SPAG16: variants seen among roughly 807,000 people sequenced by gnomAD.
SPAG16 encodes sperm associated antigen 16, also known as sperm-associated antigen 16 protein.
SPAG16 carries 86 observed loss-of-function variants against 80.4 expected under a neutral mutation model. That is an observed-to-expected ratio of 1.07 (90% CI 0.90 to 1.28). The LOEUF is 1.28. SPAG16 is among the 50% of genes most tolerant of loss of function. The probability of loss-of-function intolerance (pLI) is 0.00; values close to 1 mark genes in which losing one functional copy is unlikely to be tolerated. For synonymous variants in SPAG16, 294 were observed against 265.9 expected (o/e 1.11, Z -1.03); for missense variants, 870 against 765.3 (o/e 1.14, Z -1.61).
At chr2:213,323,047 G>A (rs1385607712) in intron 5 of SPAG16, among the ~76,000 whole-genome samples, 3 of 149,036 alleles carry the variant, frequency 2.0e-5, no homozygotes, top group Non-Finnish European at 4.5e-5. Context: ...ACAGGCTTCT[G>A]CATGGAAAAA....
intron 10 of SPAG16, among the ~76,000 whole-genome samples, chr2:213,503,491 A>G (rs2074836722): frequency 2.0e-5 from 3 of 152,066 alleles, no homozygotes; most frequent in Admixed American, 2.0e-4. Flanking sequence ...CATGCCCTTC[A>G]GGTCTGATTT....
At position 214,268,833 on chromosome 2, in the gene SPAG16, T is replaced by A. The variant is rs114539325; in HGVS notation, c.1720+119567T>A. On this transcript the variant is annotated intron_variant, in intron 15 of 15. Transcript: ENST00000331683. Reference sequence around the variant, plus strand: ...TACCATTAGCTTCTAGATTTCTGCATTAATACAGGCCATGCATGGAAGAGC... The same window carrying A: ...TACCATTAGCTTCTAGATTTCTGCAATAATACAGGCCATGCATGGAAGAGC... 2.3e-3 allele frequency among the ~76,000 whole-genome samples: 352 copies of A among 152,012 alleles called. 1 individual carries two copies. Among genetic ancestry groups the A allele is most frequent in the Non-Finnish European group, 4.0e-3 (273 of 67,846 alleles).
intron 10 of SPAG16, among the ~76,000 whole-genome samples, chr2:213,710,962 A>T (rs2065958429): frequency 6.6e-6 from 1 of 150,894 alleles, no homozygotes; most frequent in South Asian, 2.1e-4. Context: ...CTTTTCTGGA[A>T]TTTTTTTTTT....
intron 14 of SPAG16, among the ~76,000 whole-genome samples, chr2:214,132,710 G>A (rs907540798): frequency 3.3e-5 from 5 of 152,158 alleles, no homozygotes; most frequent in Non-Finnish European, 7.3e-5. Context: ...TTGAGGAATA[G>A]CCAATAGAGT....
rs373889844 is a variant in SPAG16 at position 214,169,868 on chromosome 2, C to T, written c.1720+20602C>T. The stretch of plus-strand genomic sequence containing the variant: ...TTATCCTGGGGATAAAAAGGGAAAA[C>T]GGCATAATTTCTGCCAGCAATACAG... On this transcript the variant is annotated intron_variant, in intron 15 of 15. Transcript: ENST00000331683. 5.3e-4 allele frequency among the ~76,000 whole-genome samples: 80 copies of T among 151,986 alleles called. No homozygotes were observed. The Middle Eastern group carries it at 0.014, about 26-fold the overall frequency.
At chr2:213,537,885 AC>A (rs947360161) in intron 10 of SPAG16, among the ~76,000 whole-genome samples, 2 of 152,172 alleles carry the variant, frequency 1.3e-5, no homozygotes, top group African/African-American at 2.4e-5. Context: ...TTGGCAGCAG[AC>A]CTTTCTCAAG....
chr2:213,408,580 G>T (rs932722217), intron 9 of SPAG16, among the ~76,000 whole-genome samples: 1 of 152,134 alleles, frequency 6.6e-6, no homozygotes, highest in African/African-American at 2.4e-5. Context: ...CCTAACAGGG[G>T]ATTTAAATCT....
At chr2:214,158,133 C>T (rs1488763433) in intron 15 of SPAG16, among the ~76,000 whole-genome samples, 3 of 152,010 alleles carry the variant, frequency 2.0e-5, no homozygotes, top group African/African-American at 7.2e-5. Context: ...GAATAAAATA[C>T]AGGTTTTGAT....
chr2:213,617,433 C>G (rs1157670932), intron 10 of SPAG16, among the ~76,000 whole-genome samples: 1 of 152,152 alleles, frequency 6.6e-6, no homozygotes, highest in African/African-American at 2.4e-5. Flanking sequence ...CCTCTGCCTC[C>G]TGGGTTAAAG....
At chr2:213,774,913 T>A (rs576958714) in intron 10 of SPAG16, among the ~76,000 whole-genome samples, 14 of 152,328 alleles carry the variant, frequency 9.2e-5, no homozygotes, top group African/African-American at 3.1e-4. Flanking sequence ...GTATGCATGC[T>A]GGAGGGTTTT....
At position 213,309,857 on chromosome 2, in the gene SPAG16, AATAG is replaced by A. The variant is rs375301841; in HGVS notation, c.280-197_280-194del. 2.2e-3 allele frequency among the ~76,000 whole-genome samples: 334 copies of A among 152,192 alleles called. 2 individuals are homozygous for A. The highest frequency in any genetic ancestry group is 7.3e-3 in the African/African-American group (305 of 41,574). ...ATATTCTGTCTCCATCCACTTGACTAATAGATAGGAGGACAGAGATTTGTTTGCT... is the reference window on the plus strand; with the variant it reads ...ATATTCTGTCTCCATCCACTTGACTAATAGGAGGACAGAGATTTGTTTGCT... On this transcript the variant is annotated intron_variant, in intron 3 of 15. Transcript: ENST00000331683.
chr2:214,080,511 G>A (rs1233351317), intron 13 of SPAG16, among the ~76,000 whole-genome samples: 1 of 151,144 alleles, frequency 6.6e-6, no homozygotes, highest in Non-Finnish European at 1.5e-5. Context: ...GGGAGGCTGA[G>A]GTAGGAGAAT....
At chr2:213,865,051 G>A (rs1006075245) in intron 11 of SPAG16, among the ~76,000 whole-genome samples, 5 of 151,922 alleles carry the variant, frequency 3.3e-5, no homozygotes, top group Non-Finnish European at 7.4e-5. Flanking sequence ...CAGAATCAAA[G>A]ACTTCAAGGT....
intron 15 of SPAG16, among the ~76,000 whole-genome samples, chr2:214,389,495 G>A (rs1424994400): frequency 1.3e-5 from 2 of 152,184 alleles, no homozygotes; most frequent in African/African-American, 4.8e-5. Context: ...GTTCTGACAG[G>A]CAGATATTAA....
At chr2:213,813,848 C>CA (rs892122326) in intron 10 of SPAG16, among the ~76,000 whole-genome samples, 11 of 152,028 alleles carry the variant, frequency 7.2e-5, no homozygotes, top group Non-Finnish European at 1.5e-4. Flanking sequence ...ACACACACAT[C>CA]AAAAAATACA....
intron 11 of SPAG16, among the ~76,000 whole-genome samples, chr2:213,864,255 A>G (rs1044376464): frequency 6.6e-6 from 1 of 152,132 alleles, no homozygotes; most frequent in Non-Finnish European, 1.5e-5. Context: ...GATAGATTAA[A>G]AGTTGTTGGA....
chr2:213,483,825 A>G (rs1236269769), intron 9 of SPAG16, among the ~76,000 whole-genome samples: 2 of 152,234 alleles, frequency 1.3e-5, no homozygotes, highest in African/African-American at 4.8e-5. Context: ...TTTTCTAAGC[A>G]TATCAATTTT....
chr2:213,830,419 T>C (rs2073564970), intron 10 of SPAG16, among the ~76,000 whole-genome samples: 1 of 152,194 alleles, frequency 6.6e-6, no homozygotes, highest in Non-Finnish European at 1.5e-5. Context: ...TGGTCTTTAG[T>C]GCCTCTTTCA....
intron 12 of SPAG16, among the ~76,000 whole-genome samples, chr2:213,956,878 G>T (rs553305245): frequency 3.9e-4 from 60 of 152,090 alleles, no homozygotes; most frequent in Middle Eastern, 3.4e-3. Flanking sequence ...AATTTTCCTT[G>T]TAATTTCTTC....
Sources: allele counts gnomAD v4.1 joint callset (sites outside exome capture counted in the v4.1 genomes callset), GRCh38; gene constraint gnomAD v4.1.1; transcripts MANE v1.5; gene names NCBI Gene and HGNC (gene_info 2026-07-23, HGNC 2026-07-21).